PPFIA4: variants seen among roughly 807,000 people sequenced by gnomAD.
PPFIA4 encodes PPFI scaffold protein A4.
Under a neutral mutation model 145.7 loss-of-function variants are expected in PPFIA4, and 98 were observed. The ratio of observed to expected loss-of-function variants is 0.67; its 90% CI spans 0.57 to 0.80. The LOEUF (loss-of-function observed/expected upper bound fraction) is 0.80. Among genes scored for constraint, PPFIA4 ranks in the 30% least tolerant of loss-of-function variants. The pLI, the probability that PPFIA4 is intolerant of heterozygous loss-of-function variation, is 0.00. For missense variants in PPFIA4, 1,457 were observed against 1,632.7 expected (o/e 0.89, Z 1.85); for synonymous variants, 628 against 649.6 (o/e 0.97, Z 0.51).
Position 203,043,409 on chromosome 1 carries a change from T to C in PPFIA4, c.247T>C (p.Leu83=). The C allele has an allele frequency of 1.2e-6, 2 of 1,610,340 alleles. No homozygotes were observed. The highest frequency in any genetic ancestry group is 1.7e-6 in the Non-Finnish European group (2 of 1,178,728). The change falls in exon 3 of 30, where the codon TTA becomes CTA. Residue 83 remains leucine (L), a synonymous_variant. Coordinates refer to ENST00000295706, the MANE Select transcript of PPFIA4 (RefSeq NM_001304331.2). This position sits in a 1 kb window ranked among gnomAD's most constrained non-coding sequence, Gnocchi z 4.4. ...TGGGGGTTTTCAGGAATTTGCCACC[T>C]TAACCCGGGAGCTGAGCATGTGTCG... ...NSALPQEFAT[L]TRELSMCREQ...
intron 1 of PPFIA4, among the ~76,000 whole-genome samples, chr1:203,034,214 T>C (rs1659049395): frequency 6.6e-6 from 1 of 152,040 alleles, no homozygotes; most frequent in African/African-American, 2.4e-5. Flanking sequence ...TGATCTAAGC[T>C]CATGAGACCA....
rs1435132052 is a variant in PPFIA4, at chr1:203,055,165, G to T, written c.1830-267G>T. Among the ~76,000 whole-genome samples, 1 of 152,230 alleles carries T rather than the reference G, an allele frequency of 6.6e-6. No homozygotes were observed. Among genetic ancestry groups the T allele is most frequent in the African/African-American group, 2.4e-5 (1 of 41,466 alleles). Reference sequence around the variant, plus strand: ...CTGACTCAAGGCCACCCTATAGTTAGGGGTATGTCAAGAATTCTGATTTTC... The same window carrying T: ...CTGACTCAAGGCCACCCTATAGTTATGGGTATGTCAAGAATTCTGATTTTC... On this transcript the variant is annotated intron_variant, in intron 15 of 29. Coordinates refer to ENST00000295706, the MANE Select transcript of PPFIA4 (RefSeq NM_001304331.2). This position sits in a 1 kb window ranked among gnomAD's most constrained non-coding sequence, Gnocchi z 4.8.
At position 203,068,465 on chromosome 1, in the gene PPFIA4, G is replaced by C; in HGVS notation, c.3161G>C (p.Trp1054Ser). Residue 1054 changes from tryptophan to serine, a missense_variant, in exon 27 of 30, where the codon TGG becomes TCG. By Grantham distance (177) the Trp-to-Ser change is radical (BLOSUM62 -3). Around this residue, in one of 3 missense-constraint regions of PPFIA4, gnomAD observed 848 missense variants for 1,046.7 expected, o/e 0.81. Transcript: ENST00000295706. This position sits in a 1 kb window ranked among gnomAD's most constrained non-coding sequence, Gnocchi z 4.7. ...CCCCACACTCCAGATGTGTTAGTCT[G>C]GACCAACGACCAGGTGGTTCATTGG... ...SQHEIKDVLV[W>S]TNDQVVHWVQ... 1 of 1,605,502 alleles carries C rather than the reference G, an allele frequency of 6.2e-7. No homozygotes were observed. Among genetic ancestry groups the C allele is most frequent in the Non-Finnish European group, 8.5e-7 (1 of 1,176,208 alleles).
At chr1:203,076,037 T>C in intron 29 of PPFIA4, 2 of 581,560 alleles carry the variant, frequency 3.4e-6, no homozygotes. Context: ...CCCCCCATCC[T>C]CCCGCCCCGG....
intron 14 of PPFIA4, 99 bp downstream of exon 14, chr1:203,051,976 C>T: frequency 2.3e-6 from 3 of 1,296,202 alleles, no homozygotes; most frequent in Middle Eastern, 2.3e-4. Flanking sequence ...GCAAATCCTT[C>T]CCCTTCCCTC....
In PPFIA4 at chr1:203,075,900, G is replaced by A. The variant is rs1662501776; in HGVS notation, c.3574+143G>A. On this transcript the variant is annotated intron_variant, in intron 29 of 29. Coordinates refer to ENST00000295706, the MANE Select transcript of PPFIA4 (RefSeq NM_001304331.2). This position sits in a 1 kb window ranked among gnomAD's most constrained non-coding sequence, Gnocchi z 4.1. ...TGCGCTGCAGCTGCACTAACGCTCC[G>A]CGGGGAGCGTGTGTGCGCACTAACC... The A allele has an allele frequency of 2.3e-6, 2 of 871,220 alleles. No homozygotes were observed. The highest frequency in any genetic ancestry group is 3.9e-5 in the Admixed American group (1 of 25,744). The allele number at this position is 871,220 out of a possible 1,614,324, so 54.0% of individuals were successfully genotyped here. A position where few individuals can be genotyped will look rare whatever the true frequency, so the allele number is the denominator to read the frequency against.
chr1:203,056,169 G>A lies in PPFIA4; in HGVS notation c.2106+14G>A, dbSNP rs1172103085. ...AGGAAGCTGCTGGTGAGTGCTGCCT[G>A]ATGGCCCAGGTACTAACGGGTTCAC... On this transcript the variant is annotated intron_variant, in intron 17 of 29. Transcript: ENST00000295706. The A allele has an allele frequency of 1.2e-6, 2 of 1,613,780 alleles. No homozygotes were observed. Among genetic ancestry groups the A allele is most frequent in the Non-Finnish European group, 1.7e-6 (2 of 1,179,856 alleles).
rs779355675 is a variant in PPFIA4 at position 203,059,194 on chromosome 1, C to T, written c.2424C>T (p.Ser808=). 51 of 1,535,972 alleles carry T rather than the reference C, an allele frequency of 3.3e-5. No homozygotes were observed. Among genetic ancestry groups the T allele is most frequent in the Non-Finnish European group, 4.0e-5 (45 of 1,126,318 alleles). Reference sequence around the variant, plus strand: ...TCCTTGTAGTTCTGCTAACAGACTCCGAATTCAGTATGCAGGAGCCTATGG... The same window carrying T: ...TCCTTGTAGTTCTGCTAACAGACTCTGAATTCAGTATGCAGGAGCCTATGG... ...GATGHVLLTD[S]EFSMQEPMVP... is the part of the protein sequence containing the mutation. The change falls in exon 20 of 30, where the codon TCC becomes TCT. Residue 808 remains serine, a synonymous_variant. Transcript: ENST00000295706.
At chr1:203,034,071 A>T (rs906411800) in intron 1 of PPFIA4, among the ~76,000 whole-genome samples, 5 of 152,178 alleles carry the variant, frequency 3.3e-5, no homozygotes, top group Non-Finnish European at 7.3e-5. Flanking sequence ...GATGATGTAA[A>T]GTAAGAGAAG....
chr1:203,073,006 C>T (rs1662277957), intron 28 of PPFIA4, among the ~76,000 whole-genome samples: 1 of 150,508 alleles, frequency 6.6e-6, no homozygotes, highest in Non-Finnish European at 1.5e-5. Flanking sequence ...TTGTTTGTTG[C>T]TGTCTGGAGA....
intron 9 of PPFIA4, among the ~76,000 whole-genome samples, chr1:203,046,689 C>T (rs548239684): frequency 7.3e-5 from 11 of 151,096 alleles, no homozygotes; most frequent in African/African-American, 1.5e-4. Flanking sequence ...TCCTCTACAC[C>T]GTCGTGGTGA....
chr1:203,026,751 A>G (rs1658419062), intron 1 of PPFIA4, 122 bp downstream of exon 1: 1 of 152,326 alleles, frequency 6.6e-6, no homozygotes, highest in African/African-American at 2.4e-5. Flanking sequence ...TTGACTCCGT[A>G]TGTGCTACCT....
Position 203,045,837 on chromosome 1 carries a change from C to T in PPFIA4, c.859-4C>T, listed in dbSNP as rs1315682697. ...ACCGTCCTTCTTGTCCCCTCTTCTC[C>T]CAGGCTCTGGCCCAGAAGGAGGACA... is the stretch of plus-strand genomic sequence containing the variant. On this transcript the variant is annotated splice_region_variant and splice_polypyrimidine_tract_variant and intron_variant, in intron 7 of 29. Transcript: ENST00000295706. 3 of 1,612,734 alleles carry T rather than the reference C, an allele frequency of 1.9e-6. No homozygotes were observed. The highest frequency in any genetic ancestry group is 4.5e-5 in the East Asian group (2 of 44,890).
At position 203,038,801 on chromosome 1, in the gene PPFIA4, CT is replaced by C. The variant is rs1468794236; in HGVS notation, c.-206del. 4 of 455,532 alleles carry C rather than the reference CT, an allele frequency of 8.8e-6. No individual in the cohort carries two copies. Among genetic ancestry groups the C allele is most frequent in the South Asian group, 3.0e-5 (1 of 32,908 alleles). 28.2% of individuals were successfully genotyped at this position (455,532 alleles called of 1,614,324 possible). On this transcript the variant is annotated 5_prime_UTR_variant, in exon 2 of 30. It removes the in-frame stop codon of an upstream open reading frame in the 5' UTR. Coordinates refer to ENST00000295706, the MANE Select transcript of PPFIA4 (RefSeq NM_001304331.2). ...CCAGCCCTGAGAAGTTAAGCCAGGCCTTCTGGCTCAGTTCCACAGGGGCACT... is the reference window on the plus strand; with the variant it reads ...CCAGCCCTGAGAAGTTAAGCCAGGCCTCTGGCTCAGTTCCACAGGGGCACT...
At chr1:203,049,168 A>G (rs1365478533) in intron 12 of PPFIA4, among the ~76,000 whole-genome samples, 188 bp downstream of exon 12, 1 of 152,216 alleles carries the variant, frequency 6.6e-6, no homozygotes, top group East Asian at 1.9e-4. Context: ...CCCACAGGGA[A>G]AGAAGAAACT....
At position 203,056,403 on chromosome 1, in the gene PPFIA4, A is replaced by T. The variant is rs985756243; in HGVS notation, c.2135A>T (p.Glu712Val). The T allele has an allele frequency of 2.5e-6, 4 of 1,613,852 alleles. No individual in the cohort carries two copies. The highest frequency in any genetic ancestry group is 1.3e-5 in the African/African-American group (1 of 74,918). ...CCAGTGTCTCGGGAAGAGAACCGAG[A>T]GGATAAAGCCACCATAAAATGTGAG... The part of the protein sequence containing the change: ...LSPVSREENR[E>V]DKATIKCETS... The change falls in exon 18 of 30, where the codon GAG (glutamate) becomes GTG (valine). Residue 712 changes from glutamate (E) to valine (V), a missense_variant. Transcript: ENST00000295706.
intron 28 of PPFIA4, among the ~76,000 whole-genome samples, chr1:203,074,048 G>A (rs1662351954): frequency 6.6e-6 from 1 of 152,174 alleles, no homozygotes; most frequent in Non-Finnish European, 1.5e-5. Context: ...GCCCCATGGA[G>A]CATAGAATTT....
rs1191788394 is a variant in PPFIA4 at position 203,048,636 on chromosome 1, A to G, written c.1278A>G (p.Thr426=). 2 of 1,604,416 alleles carry G rather than the reference A, an allele frequency of 1.2e-6. No homozygotes were observed. Among genetic ancestry groups the G allele is most frequent in the Non-Finnish European group, 1.7e-6 (2 of 1,176,404 alleles). Residue 426 remains threonine (T), a synonymous_variant, in exon 11 of 30, where the codon ACA becomes ACG. Coordinates refer to ENST00000295706, the MANE Select transcript of PPFIA4 (RefSeq NM_001304331.2). The surrounding 1 kb of genome is among the most constrained non-coding windows in gnomAD (Gnocchi z 5.8). ...NEDHNKRLSD[T]VDRLLSESNE... is the part of the protein sequence containing the mutation. ...ACCACAACAAGCGGCTGTCGGACAC[A>G]GTGGACCGGCTGCTCAGCGAGTCCA...
rs1662456340 is a variant in PPFIA4, at chr1:203,075,442, G to C, written c.3394-135G>C. ...AAAAACTCAAGGCTAGAAAGGGGAA[G>C]TGACCTCGCTCCCTCTTTCCAAAGG... On this transcript the variant is annotated intron_variant, in intron 28 of 29. Transcript: ENST00000295706. The surrounding 1 kb of genome is among the most constrained non-coding windows in gnomAD (Gnocchi z 4.1). 1 of 628,128 alleles carries C rather than the reference G, an allele frequency of 1.6e-6. No individual in the cohort carries two copies. Among genetic ancestry groups the C allele is most frequent in the African/African-American group, 1.9e-5 (1 of 52,544 alleles). The allele number at this position is 628,128 out of a possible 1,614,324, so 38.9% of individuals were successfully genotyped here. A position where few individuals can be genotyped will look rare whatever the true frequency, so the allele number is the denominator to read the frequency against.
Sources: gnomAD v4.1 joint callset for allele counts (sites outside exome capture counted in the v4.1 genomes callset) on GRCh38, gnomAD v4.1.1 for gene constraint, gnomAD v4.1.1 regional missense constraint, Gnocchi (gnomAD v3.1) non-coding constraint, MANE v1.5 for transcripts, NCBI Gene and HGNC (gene_info 2026-07-23, HGNC 2026-07-21) for gene names.